The following VPS54 variants were observed in gnomAD, a reference collection of about 807,000 sequenced individuals.
VPS54 encodes the protein VPS54 subunit of GARP complex, also known as vacuolar protein sorting-associated protein 54.
In VPS54, 45 loss-of-function variants were observed where a neutral mutation model predicts 121.5. The ratio of observed to expected loss-of-function variants is 0.37; its 90% CI spans 0.29 to 0.47. The LOEUF (loss-of-function observed/expected upper bound fraction) is 0.47. VPS54 is among the 20% of genes least tolerant of loss of function. The pLI is 0.99. For synonymous variants in VPS54, 371 were observed against 385.8 expected, an observed-to-expected ratio of 0.96 and a Z score of 0.45; for missense variants, 1,090 against 1,131.4, an observed-to-expected ratio of 0.96 and a Z score of 0.52.
At chr2:63,924,703 A>G (rs1397707057) in intron 12 of VPS54, among the ~76,000 whole-genome samples, 1 of 152,174 alleles carries the variant, frequency 6.6e-6, no homozygotes, top group Non-Finnish European at 1.5e-5. Flanking sequence ...TAACTATGAC[A>G]ATTTTACTTA....
chr2:63,982,960 G>A (rs941504560), intron 2 of VPS54, among the ~76,000 whole-genome samples: 1 of 152,154 alleles, frequency 6.6e-6, no homozygotes, highest in African/African-American at 2.4e-5. Context: ...GTGATTTGGG[G>A]ATTATGAATA....
intron 10 of VPS54, 85 bp from the exon 11 acceptor site, chr2:63,942,646 A>G: frequency 9.0e-7 from 1 of 1,115,238 alleles, no homozygotes; most frequent in Non-Finnish European, 1.3e-6. Context: ...AATGAGACTA[A>G]ATACTATCTA....
At chr2:63,897,398 A>T in intron 22 of VPS54, 98 bp downstream of exon 22, 1 of 814,328 alleles carries the variant, frequency 1.2e-6, no homozygotes, top group Non-Finnish European at 1.9e-6. Context: ...GTTGGTCTTC[A>T]GTGTGATTAC....
intron 1 of VPS54, among the ~76,000 whole-genome samples, chr2:63,986,216 T>C (rs1211453682): frequency 1.3e-5 from 2 of 152,178 alleles, no homozygotes; most frequent in Non-Finnish European, 2.9e-5. Context: ...CTAGGTCTTA[T>C]TCATTCTTTC....
intron 7 of VPS54, among the ~76,000 whole-genome samples, chr2:63,956,182 C>G (rs1390496097): frequency 6.6e-6 from 1 of 152,068 alleles, no homozygotes; most frequent in East Asian, 1.9e-4. Context: ...TTCTTCATCA[C>G]AAAACATACA....
intron 1 of VPS54, among the ~76,000 whole-genome samples, chr2:64,010,186 T>A (rs947499081): frequency 6.6e-6 from 1 of 152,210 alleles, no homozygotes; most frequent in African/African-American, 2.4e-5. Context: ...AAAAGTCTAT[T>A]TATAATTTGA....
In VPS54 at chr2:63,944,669, G is replaced by GA. The variant is rs1171061138; in HGVS notation, c.1246-15dup. 6.3e-7 allele frequency: 1 copy of GA among 1,592,220 alleles called. No homozygotes were observed. The highest frequency in any genetic ancestry group is 2.2e-5 in the East Asian group (1 of 44,536). On this transcript the variant is annotated splice_polypyrimidine_tract_variant and intron_variant, in intron 9 of 22. Transcript: ENST00000272322. ...ATTAATCACACACTGCAAAATTTAAGAAAAAACAAAAACAATTTGATTAAT... is the reference window on the plus strand; with the variant it reads ...ATTAATCACACACTGCAAAATTTAAGAAAAAAACAAAAACAATTTGATTAAT...
chr2:63,987,155 C>T (rs1316311603), intron 1 of VPS54, among the ~76,000 whole-genome samples: 3 of 152,188 alleles, frequency 2.0e-5, no homozygotes, highest in Non-Finnish European at 4.4e-5. Context: ...CTTCAATGAC[C>T]TGGACATTTT....
In VPS54 at chr2:63,932,704, T is replaced by C. The variant is rs987318109; in HGVS notation, c.1739+969A>G. Among the ~76,000 whole-genome samples, 3 of 151,842 alleles carry C rather than the reference T, an allele frequency of 2.0e-5. No individual in the cohort carries two copies. The South Asian group carries it at 6.3e-4, about 32-fold the overall frequency. ...AATAATAAAGTACTGAGTTGATTTA[T>C]ATAAAGATAATAAAAATATTGTTAT... On this transcript the variant is annotated intron_variant, in intron 12 of 22. Transcript: ENST00000272322.
intron 6 of VPS54, among the ~76,000 whole-genome samples, chr2:63,963,449 C>CCA (rs1233959371): frequency 6.6e-6 from 1 of 151,722 alleles, no homozygotes; most frequent in Non-Finnish European, 1.5e-5. Flanking sequence ...ATTTTTTAAC[C>CCA]CACAGCTCAG....
chr2:63,973,372 T>C (rs972845384), intron 3 of VPS54, among the ~76,000 whole-genome samples: 9 of 152,208 alleles, frequency 5.9e-5, no homozygotes, highest in Non-Finnish European at 1.0e-4. Context: ...TAAGGAAAAA[T>C]ACATATAACA....
At position 63,912,658 on chromosome 2, in the gene VPS54, A is replaced by G. The variant is rs1673201610; in HGVS notation, c.2426T>C (p.Leu809Pro). ...AATTAACTGCAAACATCGTGAAGAA[A>G]GAGCTGAAGATCCAGGGAGTAGATA... is the stretch of plus-strand genomic sequence containing the variant. ...LKTITTKNLA[L>P]SSRCLQLIVH... Residue 809 changes from leucine (L) to proline (P), a missense_variant, in exon 19 of 23, where the codon CTT (leucine) becomes CCT (proline). Leu to Pro is a moderately conservative substitution (Grantham distance 98, BLOSUM62 -3). This residue lies in a region of VPS54 where 289 missense variants were observed against 374.4 expected (regional missense o/e 0.77). Coordinates refer to ENST00000272322, the MANE Select transcript of VPS54 (RefSeq NM_016516.3). The G allele has an allele frequency of 6.4e-7, 1 of 1,571,516 alleles. No homozygotes were observed. Among genetic ancestry groups the G allele is most frequent in the Admixed American group, 2.2e-5 (1 of 44,712 alleles).
intron 3 of VPS54, 78 bp from the exon 4 acceptor site, chr2:63,972,322 A>C (rs940547070): frequency 1.9e-6 from 2 of 1,057,520 alleles, no homozygotes; most frequent in Non-Finnish European, 2.8e-6. Context: ...TTGCAACAGA[A>C]TATCAGAATA....
intron 1 of VPS54, among the ~76,000 whole-genome samples, chr2:64,001,740 A>G (rs371289796): frequency 1.3e-5 from 2 of 152,044 alleles, no homozygotes; most frequent in African/African-American, 4.8e-5. Context: ...AAGATGTAAG[A>G]CAAAAGTCCT....
At chr2:63,931,700 T>C (rs1674212847) in intron 12 of VPS54, among the ~76,000 whole-genome samples, 1 of 152,074 alleles carries the variant, frequency 6.6e-6, no homozygotes, top group South Asian at 2.1e-4. Flanking sequence ...AAAGAAACTA[T>C]CATCAGAGTG....
At chr2:63,973,334 G>A (rs1440898730) in intron 3 of VPS54, among the ~76,000 whole-genome samples, 2 of 151,968 alleles carry the variant, frequency 1.3e-5, no homozygotes, top group African/African-American at 4.8e-5. Context: ...TCTTTGGTGA[G>A]GTATTTAGAT....
chr2:63,929,778 A>G (rs968687306), intron 12 of VPS54, among the ~76,000 whole-genome samples: 1 of 147,822 alleles, frequency 6.8e-6, no homozygotes, highest in African/African-American at 2.5e-5. Flanking sequence ...AGCAAGACTA[A>G]TAAGAAGAGA....
chr2:63,986,835 G>A (rs905116003), intron 1 of VPS54, among the ~76,000 whole-genome samples: 8 of 152,166 alleles, frequency 5.3e-5, no homozygotes, highest in African/African-American at 1.9e-4. Flanking sequence ...TTCCTCTGAT[G>A]ATAAATACAC....
chr2:63,925,696 G>T (rs755817357), intron 12 of VPS54, among the ~76,000 whole-genome samples: 1 of 152,202 alleles, frequency 6.6e-6, no homozygotes, highest in Non-Finnish European at 1.5e-5. Flanking sequence ...AACCTGGATA[G>T]ATATCACAAC....
Sources: allele counts gnomAD v4.1 joint callset (sites outside exome capture counted in the v4.1 genomes callset), GRCh38; gene constraint gnomAD v4.1.1; regional missense constraint gnomAD v4.1.1; transcripts MANE v1.5; gene names NCBI Gene and HGNC (gene_info 2026-07-23, HGNC 2026-07-21).